The following IQCH variants were observed in gnomAD, a reference collection of about 807,000 sequenced individuals.
IQCH encodes the protein IQ domain-containing protein H.
A neutral mutation model predicts 117.0 loss-of-function variants in IQCH; 98 were observed. The observed-to-expected ratio is 0.84, with a 90% confidence interval of 0.71 to 0.99. The LOEUF (loss-of-function observed/expected upper bound fraction) is 0.99. Ranked by LOEUF, IQCH falls within the 50% of genes least tolerant of loss-of-function variation. The probability of loss-of-function intolerance (pLI) is 0.00; values close to 1 mark genes in which losing one functional copy is unlikely to be tolerated. For missense variants in IQCH, 1,102 were observed against 1,243.8 expected (o/e 0.89, Z 1.72); for synonymous variants, 412 against 448.2 (o/e 0.92, Z 1.02).
chr15:67,322,667 T>G (rs1244166557), intron 4 of IQCH, among the ~76,000 whole-genome samples: 5 of 152,142 alleles, frequency 3.3e-5, no homozygotes, highest in Non-Finnish European at 7.3e-5. Flanking sequence ...GTTCAGTTGT[T>G]CCTGAGCTCT....
intron 8 of IQCH, among the ~76,000 whole-genome samples, chr15:67,363,610 A>G (rs1223511450): frequency 6.6e-6 from 1 of 152,128 alleles, no homozygotes; most frequent in Non-Finnish European, 1.5e-5. Context: ...ATAGGTATTA[A>G]TAAGCTGTGT....
Position 67,465,425 on chromosome 15 carries a change from C to T in IQCH, c.2676+128C>T. ...AAAGAGCCTAAGGCAAGTCATTGGA[C>T]TTGTCTGAGCAGGGTCTGGAAATGC... On this transcript the variant is annotated intron_variant, in intron 17 of 20. Coordinates refer to ENST00000335894, the MANE Select transcript of IQCH (RefSeq NM_001031715.3). The surrounding 1 kb of genome is among the most constrained non-coding windows in gnomAD (Gnocchi z 5.9). 1 of 989,426 alleles carries T rather than the reference C, an allele frequency of 1.0e-6. No homozygotes were observed. The highest frequency in any genetic ancestry group is 1.5e-6 in the Non-Finnish European group (1 of 678,652). 61.3% of individuals were successfully genotyped at this position (989,426 alleles called of 1,614,324 possible). A position where few individuals can be genotyped will look rare whatever the true frequency, so the allele number is the denominator to read the frequency against.
intron 4 of IQCH, among the ~76,000 whole-genome samples, chr15:67,292,142 A>G (rs1163973955): frequency 6.6e-6 from 1 of 152,156 alleles, no homozygotes; most frequent in African/African-American, 2.4e-5. Context: ...ATGGCCATCT[A>G]TGAACTGGGA....
In IQCH at chr15:67,479,277, G is replaced by C. The variant is rs942869017; in HGVS notation, c.2799+3459G>C. On this transcript the variant is annotated intron_variant, in intron 18 of 20. Coordinates refer to ENST00000335894, the MANE Select transcript of IQCH (RefSeq NM_001031715.3). This position sits in a 1 kb window ranked among gnomAD's most constrained non-coding sequence, Gnocchi z 4.6. Reference sequence around the variant, plus strand: ...TACCATATTACAGTGAGGACTTTAGGCTTAAAGATTTTAAGCATTTTCCCA... The same window carrying C: ...TACCATATTACAGTGAGGACTTTAGCCTTAAAGATTTTAAGCATTTTCCCA... Among the ~76,000 whole-genome samples, 1 of 152,116 alleles carries C rather than the reference G, an allele frequency of 6.6e-6. No homozygotes were observed. The highest frequency in any genetic ancestry group is 2.4e-5 in the African/African-American group (1 of 41,424).
At position 67,490,836 on chromosome 15, in the gene IQCH, G is replaced by C. The variant is rs1055466510; in HGVS notation, c.2861+772G>C. ...CAAGGTACGCATGCACTGAGCACAG[G>C]CTGCTGGCAACACTCGGAGGCTTCC... On this transcript the variant is annotated intron_variant, in intron 19 of 20. Coordinates refer to ENST00000335894, the MANE Select transcript of IQCH (RefSeq NM_001031715.3). This position sits in a 1 kb window ranked among gnomAD's most constrained non-coding sequence, Gnocchi z 4.9. Among the ~76,000 whole-genome samples, 1 of 152,210 alleles carries C rather than the reference G, an allele frequency of 6.6e-6. No individual in the cohort carries two copies. Among genetic ancestry groups the C allele is most frequent in the African/African-American group, 2.4e-5 (1 of 41,454 alleles).
chr15:67,358,880 G>C (rs1286080677), intron 7 of IQCH, among the ~76,000 whole-genome samples: 5 of 152,320 alleles, frequency 3.3e-5, no homozygotes, highest in Non-Finnish European at 7.3e-5. Context: ...GGTGGGCTGT[G>C]TCCCCTTAAG....
In IQCH at chr15:67,355,353, G is replaced by A. The variant is rs1304328901; in HGVS notation, c.638-1992G>A. On this transcript the variant is annotated intron_variant, in intron 6 of 20. Coordinates refer to ENST00000335894, the MANE Select transcript of IQCH (RefSeq NM_001031715.3). Reference sequence around the variant, plus strand: ...TGTAATGCCAGCACTTTGGGAGGCTGAGGTGGGTGGATCACGAGATCAGGA... The same window carrying A: ...TGTAATGCCAGCACTTTGGGAGGCTAAGGTGGGTGGATCACGAGATCAGGA... 3.9e-5 allele frequency among the ~76,000 whole-genome samples: 6 copies of A among 152,114 alleles called. No homozygotes were observed. The South Asian group carries it at 6.2e-4, about 16-fold the overall frequency.
At chr15:67,429,897 T>C (rs1050695899) in intron 16 of IQCH, among the ~76,000 whole-genome samples, 2 of 151,914 alleles carry the variant, frequency 1.3e-5, no homozygotes, top group African/African-American at 4.8e-5. Context: ...GAGAATGAGG[T>C]TCTAGCAGAA....
rs1370737550 is a variant in IQCH at position 67,481,457 on chromosome 15, C to T, written c.2799+5639C>T. Among the ~76,000 whole-genome samples, 1 of 152,142 alleles carries T rather than the reference C, an allele frequency of 6.6e-6. No homozygotes were observed. The highest frequency in any genetic ancestry group is 1.5e-5 in the Non-Finnish European group (1 of 68,016). On this transcript the variant is annotated intron_variant, in intron 18 of 20. Transcript: ENST00000335894. This position sits in a 1 kb window ranked among gnomAD's most constrained non-coding sequence, Gnocchi z 4.1. ...TGAGAACAGTGTAAGGGTAACCACC[C>T]CCATGGTTCAGTTACCTCCCACTGC... is the stretch of plus-strand genomic sequence containing the variant.
intron 6 of IQCH, among the ~76,000 whole-genome samples, chr15:67,354,566 A>G (rs1969805244): frequency 6.6e-6 from 1 of 151,876 alleles, no homozygotes; most frequent in South Asian, 2.1e-4. Context: ...AAGGATGATC[A>G]TTGTTGCCAC....
chr15:67,285,715 T>C (rs1010818825), intron 4 of IQCH, among the ~76,000 whole-genome samples: 4 of 152,210 alleles, frequency 2.6e-5, no homozygotes, highest in Admixed American at 1.3e-4. Flanking sequence ...GGGAATCCTT[T>C]CCCTGTTGCC....
At position 67,430,634 on chromosome 15, in the gene IQCH, G is replaced by T. The variant is rs1200676228; in HGVS notation, c.2505+9057G>T. 6.6e-6 allele frequency among the ~76,000 whole-genome samples: 1 copy of T among 152,024 alleles called. No homozygotes were observed. Among genetic ancestry groups the T allele is most frequent in the Non-Finnish European group, 1.5e-5 (1 of 68,006 alleles). ...GATGGTCATATTTGGCCAGCCACCTGATTATTATTTGTTGATTTATGGACT... is the reference window on the plus strand; with the variant it reads ...GATGGTCATATTTGGCCAGCCACCTTATTATTATTTGTTGATTTATGGACT... On this transcript the variant is annotated intron_variant, in intron 16 of 20. Transcript: ENST00000335894. This position sits in a 1 kb window ranked among gnomAD's most constrained non-coding sequence, Gnocchi z 5.1.
chr15:67,278,592 G>A (rs926428804), intron 3 of IQCH, among the ~76,000 whole-genome samples: 12 of 152,230 alleles, frequency 7.9e-5, no homozygotes, highest in African/African-American at 2.4e-5. Context: ...TATAAGAAGA[G>A]TTGTTTTCAT....
rs990247247 is a variant in IQCH, at chr15:67,385,543, A to G, written c.1456+524A>G. Reference sequence around the variant, plus strand: ...CTTAATGGAGGGAATTTTTAGAAATACAGACCTTGATTCAGTGATGTATAC... The same window carrying G: ...CTTAATGGAGGGAATTTTTAGAAATGCAGACCTTGATTCAGTGATGTATAC... On this transcript the variant is annotated intron_variant, in intron 11 of 20. Transcript: ENST00000335894. The surrounding 1 kb of genome is among the most constrained non-coding windows in gnomAD (Gnocchi z 4.6). 6.6e-6 allele frequency among the ~76,000 whole-genome samples: 1 copy of G among 152,214 alleles called. No homozygotes were observed. The highest frequency in any genetic ancestry group is 1.5e-5 in the Non-Finnish European group (1 of 68,032).
intron 4 of IQCH, among the ~76,000 whole-genome samples, chr15:67,306,059 C>G (rs1343157868): frequency 2.0e-5 from 3 of 151,998 alleles, no homozygotes; most frequent in African/African-American, 7.2e-5. Flanking sequence ...ATTGGATATA[C>G]ATTGTGTATA....
At chr15:67,309,324 G>A (rs1458605853) in intron 4 of IQCH, among the ~76,000 whole-genome samples, 5 of 152,028 alleles carry the variant, frequency 3.3e-5, no homozygotes, top group African/African-American at 1.2e-4. Flanking sequence ...TATTGCTGAG[G>A]TCTCCTCCAG....
chr15:67,358,198 C>CTTTTTTTTTTTTTTTTTTTTTT (rs1190464651), intron 7 of IQCH, among the ~76,000 whole-genome samples: 1 of 5,456 alleles, frequency 1.8e-4, no homozygotes, highest in African/African-American at 5.7e-4. Context: ...TCATGAGGCA[C>CTTTTTTTTTTTTTTTTTTTTTT]TTTCTTTTCT....
At chr15:67,269,365 C>G (rs1343568915) in intron 3 of IQCH, among the ~76,000 whole-genome samples, 1 of 152,118 alleles carries the variant, frequency 6.6e-6, no homozygotes, top group African/African-American at 2.4e-5. Context: ...TTCATTGATA[C>G]ATAATACTTG....
chr15:67,276,802 T>C (rs1447525327), intron 3 of IQCH, among the ~76,000 whole-genome samples: 3 of 152,204 alleles, frequency 2.0e-5, no homozygotes, highest in Non-Finnish European at 4.4e-5. Context: ...TGTAGGGTTT[T>C]GTTTTGTTTT....
Sources: allele counts gnomAD v4.1 joint callset (sites outside exome capture counted in the v4.1 genomes callset), GRCh38; gene constraint gnomAD v4.1.1; non-coding constraint Gnocchi (gnomAD v3.1); transcripts MANE v1.5; gene names NCBI Gene and HGNC (gene_info 2026-07-23, HGNC 2026-07-21).